UTRN: variants seen among roughly 807,000 people sequenced by gnomAD.
UTRN encodes dystrophin-related protein 1.
A neutral mutation model predicts 463.9 loss-of-function variants in UTRN; 283 were observed. The observed-to-expected ratio is 0.61, with a 90% CI of 0.55 to 0.67. The LOEUF is 0.67. UTRN is among the 30% of genes least tolerant of loss of function. UTRN has a pLI of 0.00. For missense variants in UTRN, 3,922 were observed against 4,084.3 expected (o/e 0.96, Z 1.08); for synonymous variants, 1,442 against 1,431.5 (o/e 1.01, Z -0.17).
chr6:144,842,176 G>A (rs1781645255), intron 73 of UTRN, among the ~76,000 whole-genome samples: 1 of 150,322 alleles, frequency 6.7e-6, no homozygotes, highest in Admixed American at 6.6e-5. Flanking sequence ...ATTATCAGGA[G>A]TGTAGGTAAA....
At chr6:144,478,740 G>A (rs755919239) in intron 25 of UTRN, among the ~76,000 whole-genome samples, 2 of 152,220 alleles carry the variant, frequency 1.3e-5, no homozygotes, top group African/African-American at 2.4e-5. Flanking sequence ...GGCCACTACT[G>A]TGGCGTTTAA....
At chr6:144,305,956 T>C (rs1805698212) in intron 2 of UTRN, among the ~76,000 whole-genome samples, 2 of 152,222 alleles carry the variant, frequency 1.3e-5, no homozygotes, top group Non-Finnish European at 2.9e-5. Context: ...CCTATTATTG[T>C]CTATTTCTAT....
chr6:144,556,768 AT>A (rs1799423389), intron 49 of UTRN, among the ~76,000 whole-genome samples: 1 of 152,162 alleles, frequency 6.6e-6, no homozygotes, highest in Non-Finnish European at 1.5e-5. Flanking sequence ...CATGTTGTTG[AT>A]TCTTCACGTT....
chr6:144,532,229 T>C (rs993787042), intron 42 of UTRN, among the ~76,000 whole-genome samples: 2 of 152,244 alleles, frequency 1.3e-5, no homozygotes, highest in Admixed American at 6.5e-5. Flanking sequence ...AAAATATTCA[T>C]TCAATCTGTT....
At chr6:144,763,545 G>T (rs1466585494) in intron 58 of UTRN, among the ~76,000 whole-genome samples, 4 of 152,056 alleles carry the variant, frequency 2.6e-5, no homozygotes, top group Non-Finnish European at 5.9e-5. Flanking sequence ...TACTTGTCTT[G>T]GCAGAACTAC....
chr6:144,819,648 G>A (rs921622423), intron 65 of UTRN, among the ~76,000 whole-genome samples: 3 of 152,116 alleles, frequency 2.0e-5, no homozygotes, highest in Non-Finnish European at 4.4e-5. Context: ...AGCTGAGATC[G>A]TGCCATTGCA....
At chr6:144,708,007 T>A (rs1216991706) in intron 53 of UTRN, 1 of 180,290 alleles carries the variant, frequency 5.5e-6, no homozygotes, top group African/African-American at 2.4e-5. Flanking sequence ...ATCAACTTCT[T>A]GGTCAATTTT....
chr6:144,583,229 C>T, intron 51 of UTRN: 1 of 353,692 alleles, frequency 2.8e-6, no homozygotes, highest in Non-Finnish European at 5.0e-6. Flanking sequence ...TCATTTCTGG[C>T]CATGCCGGGC....
chr6:144,825,036 A>G (rs1193169010), intron 66 of UTRN, among the ~76,000 whole-genome samples: 1 of 152,036 alleles, frequency 6.6e-6, no homozygotes, highest in East Asian at 1.9e-4. Context: ...CTCCCGCCTC[A>G]GCCTCCCAAA....
intron 6 of UTRN, 152 bp from the exon 7 acceptor site, chr6:144,426,135 T>A (rs1785273918): frequency 1.1e-6 from 1 of 923,690 alleles, no homozygotes; most frequent in Admixed American, 3.1e-5. Flanking sequence ...TGCTCTAGTG[T>A]CTACAGAAAA....
chr6:144,734,883 G>A (rs1438905635), intron 54 of UTRN, among the ~76,000 whole-genome samples: 1 of 152,148 alleles, frequency 6.6e-6, no homozygotes, highest in Non-Finnish European at 1.5e-5. Flanking sequence ...GGGGTGCCAT[G>A]TTACATTTCT....
intron 51 of UTRN, among the ~76,000 whole-genome samples, chr6:144,612,666 A>G (rs1468158682): frequency 6.6e-6 from 1 of 152,132 alleles, no homozygotes. Context: ...ACCTCACCCC[A>G]GTTAGAATGG....
At chr6:144,674,326 A>G (rs1324449716) in intron 51 of UTRN, among the ~76,000 whole-genome samples, 3 of 149,936 alleles carry the variant, frequency 2.0e-5, no homozygotes, top group African/African-American at 7.4e-5. Flanking sequence ...AATTTCTTGG[A>G]GGCTGTTTTT....
intron 9 of UTRN, among the ~76,000 whole-genome samples, chr6:144,433,963 T>C (rs1290776795): frequency 1.3e-5 from 2 of 152,190 alleles, no homozygotes; most frequent in Non-Finnish European, 2.9e-5. Context: ...GAGGCTGCAG[T>C]CTCGGCACTT....
chr6:144,810,923 G>T (rs948744704), intron 65 of UTRN, among the ~76,000 whole-genome samples: 2 of 152,110 alleles, frequency 1.3e-5, no homozygotes, highest in African/African-American at 4.8e-5. Context: ...TATATTGCAG[G>T]TTTTAAGCAA....
intron 51 of UTRN, among the ~76,000 whole-genome samples, chr6:144,601,347 G>A (rs2128636657): frequency 6.6e-6 from 1 of 152,314 alleles, no homozygotes; most frequent in African/African-American, 2.4e-5. Flanking sequence ...GCTATTAAGA[G>A]CATTCTTGAT....
chr6:144,850,486 G>A (rs759375263), intron 74 of UTRN, among the ~76,000 whole-genome samples: 10 of 152,000 alleles, frequency 6.6e-5, no homozygotes, highest in Admixed American at 2.0e-4. Flanking sequence ...TTCCATGAGT[G>A]TGGCCTGGAT....
intron 61 of UTRN, among the ~76,000 whole-genome samples, chr6:144,787,921 AG>A (rs1327292740): frequency 6.6e-6 from 1 of 152,134 alleles, no homozygotes; most frequent in Admixed American, 6.5e-5. Flanking sequence ...ATAGCAATAA[AG>A]GCTTTTTTTC....
Position 144,757,897 on chromosome 6 carries a change from A to G in UTRN, c.8435-32A>G, listed in dbSNP as rs17074128. 0.044 allele frequency: 69,731 copies of G among 1,592,200 alleles called. 1,670 individuals carry two copies. Among genetic ancestry groups the G allele is most frequent in the South Asian group, 0.05 (4,302 of 86,870 alleles). ...AAGGTGTAAGGCTTTTTGGTTTCCAACGTTTCCAATAATCTCCCTTTGTTT... is the reference window on the plus strand; with the variant it reads ...AAGGTGTAAGGCTTTTTGGTTTCCAGCGTTTCCAATAATCTCCCTTTGTTT... On this transcript the variant is annotated intron_variant, in intron 57 of 74. Transcript: ENST00000367545.
Sources: allele counts gnomAD v4.1 joint callset (sites outside exome capture counted in the v4.1 genomes callset), GRCh38; gene constraint gnomAD v4.1.1; transcripts MANE v1.5; gene names NCBI Gene and HGNC (gene_info 2026-07-23, HGNC 2026-07-21).